The following HHIPL1 variants were observed in gnomAD, a reference collection of about 807,000 sequenced individuals.
HHIPL1 encodes the protein HHIP-like protein 1.
HHIPL1 carries 43 observed loss-of-function variants against 61.8 expected under a neutral mutation model. The ratio of observed to expected loss-of-function variants is 0.70; its 90% CI spans 0.55 to 0.90. HHIPL1 has a LOEUF of 0.90. HHIPL1 is among the 40% of genes least tolerant of loss of function. The pLI, the probability that HHIPL1 is intolerant of heterozygous loss-of-function variation, is 0.00. For missense variants in HHIPL1, 1,056 were observed against 1,157.7 expected (o/e 0.91, Z 1.28); for synonymous variants, 482 against 515.8 (o/e 0.93, Z 0.89).
Position 99,647,665 on chromosome 14 carries a change from G to A in HHIPL1, c.255+2203G>A, listed in dbSNP as rs150354640. Among the ~76,000 whole-genome samples the A allele has an allele frequency of 1.6e-3, 249 of 152,326 alleles. 1 individual carries two copies. The highest frequency in any genetic ancestry group is 5.4e-3 in the African/African-American group (226 of 41,568). Reference sequence around the variant, plus strand: ...ATGGTTTCACTGACGGGGCCTCCTGGAGCATGCTGGCGGGAGGACCATGCT... The same window carrying A: ...ATGGTTTCACTGACGGGGCCTCCTGAAGCATGCTGGCGGGAGGACCATGCT... On this transcript the variant is annotated intron_variant, in intron 1 of 8. Coordinates refer to ENST00000330710, the MANE Select transcript of HHIPL1 (RefSeq NM_001127258.3).
the HHIPL1 span, among the ~76,000 whole-genome samples, chr14:99,633,644 G>T: frequency 6.6e-6 from 1 of 152,208 alleles, no homozygotes; most frequent in Non-Finnish European, 1.5e-5. Flanking sequence ...TTCGAAATTG[G>T]GTTTAACTAT....
At chr14:99,637,126 AAGAGAG>A in the HHIPL1 span, among the ~76,000 whole-genome samples, 44 of 126,378 alleles carry the variant, frequency 3.5e-4, 2 homozygotes, top group East Asian at 4.3e-3. Context: ...AAAGAAAAGA[AAGAGAG>A]AGAGAGAAAG....
chr14:99,609,655 T>G, the HHIPL1 span, among the ~76,000 whole-genome samples: 14 of 152,198 alleles, frequency 9.2e-5, no homozygotes, highest in African/African-American at 3.4e-4. Flanking sequence ...CCCTACATGC[T>G]GGACCGCCAG....
At chr14:99,633,678 T>A in the HHIPL1 span, among the ~76,000 whole-genome samples, 54 of 152,342 alleles carry the variant, frequency 3.5e-4, no homozygotes, top group African/African-American at 1.3e-3. Flanking sequence ...TCTGGGGCTA[T>A]CAGGAGGAGG....
Position 99,674,107 on chromosome 14 carries a change from T to G in HHIPL1, c.1814-984T>G, listed in dbSNP as rs183723442. Among the ~76,000 whole-genome samples, 183 of 151,884 alleles carry G rather than the reference T, an allele frequency of 1.2e-3. 1 individual carries two copies. The highest frequency in any genetic ancestry group is 3.1e-3 in the Admixed American group (48 of 15,270). ...TCTGGGCCCTGGCCTGTGCTTGGCC[T>G]TGTGCTGAGAGGCCCTTTCTCAGCT... On this transcript the variant is annotated intron_variant, in intron 8 of 8. Coordinates refer to ENST00000330710, the MANE Select transcript of HHIPL1 (RefSeq NM_001127258.3).
At chr14:99,659,366 G>C in intron 3 of HHIPL1, 62 bp from the exon 4 acceptor site, 1 of 1,305,494 alleles carries the variant, frequency 7.7e-7, no homozygotes, top group Non-Finnish European at 9.9e-7. Flanking sequence ...CCTGCCCCGC[G>C]GAGCCCGTGA....
chr14:99,644,896 C>G (rs2055802410), upstream of HHIPL1, among the ~76,000 whole-genome samples: 1 of 152,232 alleles, frequency 6.6e-6, no homozygotes, highest in African/African-American at 2.4e-5. Flanking sequence ...GGCTAAAGAG[C>G]GCCCTGTGGG....
At position 99,668,716 on chromosome 14, in the gene HHIPL1, C is replaced by A; in HGVS notation, c.1730+413C>A. Reference sequence around the variant, plus strand: ...TCTGTGATGCCTCCCAGATGACACCCTGATCCCTGTGTGTCCCCGCCCCGT... The same window carrying A: ...TCTGTGATGCCTCCCAGATGACACCATGATCCCTGTGTGTCCCCGCCCCGT... On this transcript the variant is annotated intron_variant, in intron 7 of 8. Coordinates refer to ENST00000330710, the MANE Select transcript of HHIPL1 (RefSeq NM_001127258.3). This position sits in a 1 kb window ranked among gnomAD's most constrained non-coding sequence, Gnocchi z 4.7. The A allele has an allele frequency of 8.7e-7, 1 of 1,155,734 alleles. No individual in the cohort carries two copies. Among genetic ancestry groups the A allele is most frequent in the Non-Finnish European group, 1.2e-6 (1 of 801,396 alleles). The allele number at this position is 1,155,734 out of a possible 1,614,324, so 71.6% of individuals were successfully genotyped here.
intron 7 of HHIPL1, chr14:99,669,087 C>T (rs2140091505): frequency 7.0e-7 from 1 of 1,432,850 alleles, no homozygotes. Flanking sequence ...CTCTGTCCAG[C>T]CCTTCCTCAG....
chr14:99,661,175 C>T (rs1487346465), intron 5 of HHIPL1, among the ~76,000 whole-genome samples: 1 of 152,078 alleles, frequency 6.6e-6, no homozygotes, highest in Non-Finnish European at 1.5e-5. Flanking sequence ...AAGCTGAGGA[C>T]TAAAGAGGCC....
intron 7 of HHIPL1, among the ~76,000 whole-genome samples, chr14:99,670,273 G>A (rs2056313300): frequency 6.6e-6 from 1 of 152,168 alleles, no homozygotes; most frequent in Non-Finnish European, 1.5e-5. Flanking sequence ...CACCATGCCT[G>A]GCTAATTTTT....
the HHIPL1 span, among the ~76,000 whole-genome samples, chr14:99,639,037 A>T: frequency 0.017 from 2,602 of 152,310 alleles, 22 homozygotes; most frequent in Non-Finnish European, 0.026. Context: ...TTGTCCATTC[A>T]TGTGCTTATT....
chr14:99,651,423 G>A (rs1008177930), intron 1 of HHIPL1, among the ~76,000 whole-genome samples: 4 of 152,188 alleles, frequency 2.6e-5, no homozygotes, highest in African/African-American at 9.7e-5. Flanking sequence ...GTAAAGGGGA[G>A]GCGGCATGTC....
At chr14:99,647,768 T>C (rs1402147804) in intron 1 of HHIPL1, among the ~76,000 whole-genome samples, 3 of 152,176 alleles carry the variant, frequency 2.0e-5, no homozygotes, top group Non-Finnish European at 4.4e-5. Context: ...GCCTTATTCA[T>C]AGGTCTCTGT....
intron 8 of HHIPL1, among the ~76,000 whole-genome samples, chr14:99,673,354 T>C (rs192852511): frequency 4.1e-4 from 62 of 151,442 alleles, no homozygotes; most frequent in African/African-American, 1.5e-3. Context: ...GGCTCCATGC[T>C]GGATGCCAGA....
At chr14:99,615,631 AAG>A in the HHIPL1 span, among the ~76,000 whole-genome samples, 6 of 130,364 alleles carry the variant, frequency 4.6e-5, no homozygotes, top group Middle Eastern at 3.8e-3. Flanking sequence ...GAAAGGAAGA[AAG>A]AGAAAGAAAG....
chr14:99,606,421 C>A, the HHIPL1 span, among the ~76,000 whole-genome samples: 2 of 148,038 alleles, frequency 1.4e-5, no homozygotes, highest in African/African-American at 5.3e-5. Flanking sequence ...AGCCTGTGCA[C>A]AGAGTTGCTC....
chr14:99,669,847 C>T (rs1439108768), intron 7 of HHIPL1, among the ~76,000 whole-genome samples: 5 of 152,208 alleles, frequency 3.3e-5, no homozygotes, highest in African/African-American at 1.2e-4. Context: ...ATCACTCGAA[C>T]TCAGGAGGTC....
At position 99,652,888 on chromosome 14, in the gene HHIPL1, C is replaced by T. The variant is rs926711089; in HGVS notation, c.902+18C>T. On this transcript the variant is annotated intron_variant, in intron 2 of 8. Coordinates refer to ENST00000330710, the MANE Select transcript of HHIPL1 (RefSeq NM_001127258.3). The stretch of plus-strand genomic sequence containing the variant: ...TCTGAGAGGTGGCTTCCTTGGGGAA[C>T]CCGGGCCTGGGTGGGGGCAGGCACC... 3 of 1,606,008 alleles carry T rather than the reference C, an allele frequency of 1.9e-6. No homozygotes were observed. In the African/African-American group the frequency reaches 4.0e-5, roughly 21 times the overall value.
Sources: gnomAD v4.1 joint callset for allele counts (sites outside exome capture counted in the v4.1 genomes callset) on GRCh38, gnomAD v4.1.1 for gene constraint, Gnocchi (gnomAD v3.1) non-coding constraint, MANE v1.5 for transcripts, NCBI Gene and HGNC (gene_info 2026-07-23, HGNC 2026-07-21) for gene names.